Variants in ISL1 observed in about 807,000 individuals in gnomAD.
ISL1 encodes the protein insulin gene enhancer protein ISL-1.
ISL1 carries 4 observed loss-of-function variants against 35.3 expected under a neutral mutation model. The ratio of observed to expected loss-of-function variants is 0.11; its 90% CI spans 0.06 to 0.26. The LOEUF (loss-of-function observed/expected upper bound fraction) is 0.26. Ranked by LOEUF, ISL1 falls within the 10% of genes least tolerant of loss-of-function variation. The pLI is 1.00. For synonymous variants in ISL1, 186 were observed against 172.3 expected (o/e 1.08, Z -0.62); for missense variants, 340 against 472.8 (o/e 0.72, Z 2.60).
At chr5:51,391,985 G>T (rs1284555919) in intron 5 of ISL1, among the ~76,000 whole-genome samples, 1 of 152,140 alleles carries the variant, frequency 6.6e-6, no homozygotes, top group Non-Finnish European at 1.5e-5. Context: ...TATTAATAAA[G>T]ATTATTCAAA....
chr5:51,389,908 G>A lies in ISL1; in HGVS notation c.741G>A (p.Gln247=). Residue 247 remains glutamine (Q), a synonymous_variant, in exon 4 of 6, where the codon CAG becomes CAA. Transcript: ENST00000230658. This position sits in a 1 kb window ranked among gnomAD's most constrained non-coding sequence, Gnocchi z 5.0. The stretch of plus-strand genomic sequence containing the variant: ...GAAGCATCATGATGAAGCAACTCCA[G>A]CAGCAGCAGCCCAATGACAAAACTG... ...KKRSIMMKQL[Q]QQQPNDKTNI... is the part of the protein sequence containing the mutation. 1.2e-6 allele frequency: 2 copies of A among 1,613,756 alleles called. No homozygotes were observed. Among genetic ancestry groups the A allele is most frequent in the Non-Finnish European group, 1.7e-6 (2 of 1,179,716 alleles).
intron 4 of ISL1, among the ~76,000 whole-genome samples, 155 bp downstream of exon 4, chr5:51,390,087 C>T (rs769044113): frequency 4.3e-4 from 65 of 152,200 alleles, no homozygotes; most frequent in Admixed American, 6.5e-4. Context: ...CCTACCCATG[C>T]CCCGGGGGAC....
At position 51,389,521 on chromosome 5, in the gene ISL1, TCGGGCGGGCGAGCAAGTAAG is replaced by T. The variant is rs1453854314; in HGVS notation, c.479-114_479-95del. 5 of 808,688 alleles carry T rather than the reference TCGGGCGGGCGAGCAAGTAAG, an allele frequency of 6.2e-6. No individual in the cohort carries two copies. The African/African-American group carries it at 6.5e-5, about 11-fold the overall frequency. The allele number at this position is 808,688 out of a possible 1,614,324, so 50.1% of individuals were successfully genotyped here. ...AACCCTAGCCATTGTCCTGAGTATCTCGGGCGGGCGAGCAAGTAAGCGGGCGGGCGGGCGGGCAAGCGAGC... is the reference window on the plus strand; with the variant it reads ...AACCCTAGCCATTGTCCTGAGTATCTCGGGCGGGCGGGCGGGCAAGCGAGC... On this transcript the variant is annotated intron_variant, in intron 3 of 5. Transcript: ENST00000230658. The surrounding 1 kb of genome is among the most constrained non-coding windows in gnomAD (Gnocchi z 5.0).
chr5:51,390,642 C>CTTTCTTTTTTTTTTTTTTTTTTT (rs1747483445), intron 4 of ISL1, among the ~76,000 whole-genome samples: 3 of 40,206 alleles, frequency 7.5e-5, no homozygotes, highest in Non-Finnish European at 1.4e-4. Context: ...CTTTCTTTTT[C>CTTTCTTTTTTTTTTTTTTTTTTT]TTTTTTTTTT....
intron 1 of ISL1, 42 bp from the exon 2 acceptor site, chr5:51,384,499 G>A (rs750142105): frequency 6.4e-7 from 1 of 1,570,792 alleles, no homozygotes; most frequent in Non-Finnish European, 8.8e-7. Context: ...ATCTCTGTAG[G>A]AAGTAAACGG....
chr5:51,391,174 T>A (rs1225395940), intron 4 of ISL1, 100 bp from the exon 5 acceptor site: 1 of 1,142,332 alleles, frequency 8.8e-7, no homozygotes, highest in African/African-American at 1.5e-5. Flanking sequence ...ACTATATAGA[T>A]AAGATAATAC....
intron 4 of ISL1, among the ~76,000 whole-genome samples, 156 bp downstream of exon 4, chr5:51,390,088 C>G (rs908001704): frequency 6.6e-6 from 1 of 152,108 alleles, no homozygotes; most frequent in Non-Finnish European, 1.5e-5. Context: ...CTACCCATGC[C>G]CCGGGGGACA....
chr5:51,383,738 T>C, intron 1 of ISL1, 39 bp downstream of exon 1: 1 of 1,582,854 alleles, frequency 6.3e-7, no homozygotes, highest in Non-Finnish European at 8.7e-7. Flanking sequence ...CGGTGTGCTG[T>C]TCTTGTGCGG....
At position 51,389,362 on chromosome 5, in the gene ISL1, A is replaced by G. The variant is rs1747427004; in HGVS notation, c.479-284A>G. Among the ~76,000 whole-genome samples, 1 of 152,112 alleles carries G rather than the reference A, an allele frequency of 6.6e-6. No individual in the cohort carries two copies. Among genetic ancestry groups the G allele is most frequent in the African/African-American group, 2.4e-5 (1 of 41,438 alleles). ...TGGCTAACACTTTGTTGACACGAGGAGGGGCGAGTGCTGCGTTTCAGGCCG... is the reference window on the plus strand; with the variant it reads ...TGGCTAACACTTTGTTGACACGAGGGGGGGCGAGTGCTGCGTTTCAGGCCG... On this transcript the variant is annotated intron_variant, in intron 3 of 5. Transcript: ENST00000230658. The surrounding 1 kb of genome is among the most constrained non-coding windows in gnomAD (Gnocchi z 5.0).
chr5:51,390,636 C>CCTTTTTTTTTTTTTTTTTTTTTTTTTT lies in ISL1; in HGVS notation c.766-638_766-637insCTTTTTTTTTTTTTTTTTTTTTTTTTT, dbSNP rs1747475980. Reference sequence around the variant, plus strand: ...TTTTCTTCCTTTTTTTCTTTTCTTTCTTTTTCTTTTTTTTTTTTTTTTTTT... The same window carrying CCTTTTTTTTTTTTTTTTTTTTTTTTTT: ...TTTTCTTCCTTTTTTTCTTTTCTTTCCTTTTTTTTTTTTTTTTTTTTTTTTTTTTTTTCTTTTTTTTTTTTTTTTTTT... On this transcript the variant is annotated intron_variant, in intron 4 of 5. Coordinates refer to ENST00000230658, the MANE Select transcript of ISL1 (RefSeq NM_002202.3). Among the ~76,000 whole-genome samples, 8 of 74,326 alleles carry CCTTTTTTTTTTTTTTTTTTTTTTTTTT rather than the reference C, an allele frequency of 1.1e-4. 1 individual carries two copies. Among genetic ancestry groups the CCTTTTTTTTTTTTTTTTTTTTTTTTTT allele is most frequent in the African/African-American group, 3.4e-4 (8 of 23,650 alleles). The allele number at this position is 74,326 out of a possible 152,430, so 48.8% of individuals were successfully genotyped here. A position where few individuals can be genotyped will look rare whatever the true frequency, so the allele number is the denominator to read the frequency against.
In ISL1 at chr5:51,389,546, C is replaced by T; in HGVS notation, c.479-100C>T. On this transcript the variant is annotated intron_variant, in intron 3 of 5. Transcript: ENST00000230658. This position sits in a 1 kb window ranked among gnomAD's most constrained non-coding sequence, Gnocchi z 5.0. ...TCGGGCGGGCGAGCAAGTAAGCGGG[C>T]GGGCGGGCGGGCAAGCGAGCGAGCG... is the stretch of plus-strand genomic sequence containing the variant. 2 of 931,724 alleles carry T rather than the reference C, an allele frequency of 2.1e-6. No individual in the cohort carries two copies. Among genetic ancestry groups the T allele is most frequent in the Non-Finnish European group, 1.4e-6 (1 of 737,036 alleles). 57.7% of individuals were successfully genotyped at this position (931,724 alleles called of 1,614,324 possible).
At position 51,394,375 on chromosome 5, in the gene ISL1, CT is replaced by C. The variant is rs1374961708; in HGVS notation, c.*769del. ...TGTTTGACTTGTGTCTGTCCAAGAA[CT>C]TTTCCCCCAAAGATGTGTATAGTTA... On this transcript the variant is annotated 3_prime_UTR_variant, in exon 6 of 6. Transcript: ENST00000230658. The C allele has an allele frequency of 1.3e-5, 2 of 151,796 alleles. No individual in the cohort carries two copies. Among genetic ancestry groups the C allele is most frequent in the Admixed American group, 6.6e-5 (1 of 15,194 alleles). The allele number at this position is 151,796 out of a possible 1,614,324, so 9.4% of individuals were successfully genotyped here. A position where few individuals can be genotyped will look rare whatever the true frequency, so the allele number is the denominator to read the frequency against.
In ISL1 at chr5:51,383,719, TGTG is replaced by T. The variant is rs1747268996; in HGVS notation, c.28+22_28+24del. On this transcript the variant is annotated intron_variant, in intron 1 of 5. Transcript: ENST00000230658. The stretch of plus-strand genomic sequence containing the variant: ...CAAAAAGTAAGAGGCTATTTTACCT[TGTG>T]GGGCTCGGTGTGCTGTTCTTGTGCG... 1.2e-6 allele frequency: 2 copies of T among 1,604,730 alleles called. No homozygotes were observed. Among genetic ancestry groups the T allele is most frequent in the Non-Finnish European group, 1.7e-6 (2 of 1,171,386 alleles).
In ISL1 at chr5:51,389,669, C is replaced by G. The variant is rs1211779389; in HGVS notation, c.502C>G (p.Pro168Ala). ...MAAEPISARQ[P>A]ALRPHVHKQP... Reference sequence around the variant, plus strand: ...AGCGGAGCCCATCTCCGCCAGGCAGCCAGCCCTGCGGCCCCACGTCCACAA... The same window carrying G: ...AGCGGAGCCCATCTCCGCCAGGCAGGCAGCCCTGCGGCCCCACGTCCACAA... The change falls in exon 4 of 6, where the codon CCA (proline) becomes GCA (alanine). Residue 168 changes from proline to alanine, a missense_variant. Transcript: ENST00000230658. The surrounding 1 kb of genome is among the most constrained non-coding windows in gnomAD (Gnocchi z 5.0). 1 of 1,611,144 alleles carries G rather than the reference C, an allele frequency of 6.2e-7. No individual in the cohort carries two copies. Among genetic ancestry groups the G allele is most frequent in the Non-Finnish European group, 8.5e-7 (1 of 1,179,710 alleles).
Position 51,385,082 on chromosome 5 carries a change from G to A in ISL1, c.218+352G>A, listed in dbSNP as rs190808408. Among the ~76,000 whole-genome samples, 18 of 152,208 alleles carry A rather than the reference G, an allele frequency of 1.2e-4. No individual in the cohort carries two copies. The East Asian group carries it at 3.3e-3, about 28-fold the overall frequency. ...AGTTTGGATTTTTAGCTTTAAAATA[G>A]GGTTGATTTTTGTTGTATAGTGCAG... On this transcript the variant is annotated intron_variant, in intron 2 of 5. Coordinates refer to ENST00000230658, the MANE Select transcript of ISL1 (RefSeq NM_002202.3).
At chr5:51,385,423 A>G (rs1205353094) in intron 2 of ISL1, among the ~76,000 whole-genome samples, 2 of 152,214 alleles carry the variant, frequency 1.3e-5, no homozygotes, top group African/African-American at 4.8e-5. Flanking sequence ...ATTGCCCATC[A>G]TCTGTCTACG....
At position 51,389,555 on chromosome 5, in the gene ISL1, G is replaced by A. The variant is rs927408779; in HGVS notation, c.479-91G>A. ...CGAGCAAGTAAGCGGGCGGGCGGGC[G>A]GGCAAGCGAGCGAGCGAGCGAGCGC... On this transcript the variant is annotated intron_variant, in intron 3 of 5. Coordinates refer to ENST00000230658, the MANE Select transcript of ISL1 (RefSeq NM_002202.3). The surrounding 1 kb of genome is among the most constrained non-coding windows in gnomAD (Gnocchi z 5.0). 3.6e-6 allele frequency: 4 copies of A among 1,121,764 alleles called. No individual in the cohort carries two copies. The highest frequency in any genetic ancestry group is 4.3e-5 in the Admixed American group (1 of 23,040). 69.5% of individuals were successfully genotyped at this position (1,121,764 alleles called of 1,614,324 possible). A position where few individuals can be genotyped will look rare whatever the true frequency, so the allele number is the denominator to read the frequency against.
intron 4 of ISL1, among the ~76,000 whole-genome samples, chr5:51,390,621 T>G (rs1747473933): frequency 6.7e-6 from 1 of 149,100 alleles, no homozygotes; most frequent in African/African-American, 2.5e-5. Flanking sequence ...TTTTCTTCCT[T>G]TTTTTCTTTT....
chr5:51,384,019 A>G (rs1447958240), intron 1 of ISL1, among the ~76,000 whole-genome samples: 1 of 152,174 alleles, frequency 6.6e-6, no homozygotes, highest in Non-Finnish European at 1.5e-5. Context: ...CTGCCTGCAC[A>G]GTCAATGCCC....
Sources: allele counts gnomAD v4.1 joint callset (sites outside exome capture counted in the v4.1 genomes callset), GRCh38; gene constraint gnomAD v4.1.1; non-coding constraint Gnocchi (gnomAD v3.1); transcripts MANE v1.5; gene names NCBI Gene and HGNC (gene_info 2026-07-23, HGNC 2026-07-21).